The following FOXN3 variants were observed in gnomAD, a reference collection of about 807,000 sequenced individuals.
The protein encoded by FOXN3 is forkhead box N3.
A neutral mutation model predicts 38.4 loss-of-function variants in FOXN3; 7 were observed. That is an observed-to-expected ratio of 0.18 (90% CI 0.10 to 0.34). FOXN3 has a LOEUF of 0.34. FOXN3 is among the 10% of genes least tolerant of loss of function. The probability of loss-of-function intolerance (pLI) is 1.00; values close to 1 mark genes in which losing one functional copy is unlikely to be tolerated. For missense variants in FOXN3, 456 were observed against 613.4 expected (o/e 0.74, Z 2.71); for synonymous variants, 230 against 242.2 (o/e 0.95, Z 0.47).
At chr14:89,599,019 G>C (rs111341038) in intron 1 of FOXN3, among the ~76,000 whole-genome samples, 83 of 152,094 alleles carry the variant, frequency 5.5e-4, no homozygotes, top group African/African-American at 1.9e-3. Context: ...CTCTCCTGCT[G>C]AACCTCCAGT....
Position 89,446,831 on chromosome 14 carries a change from C to T in FOXN3, c.-14-34341G>A, listed in dbSNP as rs541697717. Among the ~76,000 whole-genome samples the T allele has an allele frequency of 2.0e-5, 3 of 152,314 alleles. No individual in the cohort carries two copies. In the East Asian group the frequency reaches 5.8e-4, roughly 29 times the overall value. On this transcript the variant is annotated intron_variant, in intron 1 of 6. Coordinates refer to the FOXN3 transcript ENST00000345097. ...GATATTTAAGTTATTTGCAGTTTTC[C>T]ACTATTATGAACAAGGCCAAATGAA... is the stretch of plus-strand genomic sequence containing the variant.
intron 1 of FOXN3, among the ~76,000 whole-genome samples, chr14:89,538,829 A>AT (rs1475577284): frequency 1.3e-5 from 2 of 151,026 alleles, no homozygotes; most frequent in African/African-American, 2.4e-5. Context: ...TTTTATTATT[A>AT]TTATTTATTT....
intron 1 of FOXN3, among the ~76,000 whole-genome samples, chr14:89,442,453 A>G (rs567151320): frequency 8.8e-4 from 134 of 152,352 alleles, no homozygotes; most frequent in Non-Finnish European, 1.7e-3. Context: ...TGAATGTCAC[A>G]TGCTGAGGTC....
intron 3 of FOXN3, among the ~76,000 whole-genome samples, chr14:89,297,339 G>T (rs1362483901): frequency 6.6e-6 from 1 of 151,880 alleles, no homozygotes; most frequent in African/African-American, 2.4e-5. Context: ...GAGGCGGGCG[G>T]ATCACAAGGT....
chr14:89,528,666 G>A (rs1172041064), intron 1 of FOXN3, among the ~76,000 whole-genome samples: 2 of 151,938 alleles, frequency 1.3e-5, no homozygotes, highest in Admixed American at 1.3e-4. Context: ...AACGTGCTGG[G>A]ATTACAGGTG....
intron 1 of FOXN3, among the ~76,000 whole-genome samples, chr14:89,518,939 C>T (rs186361900): frequency 4.5e-4 from 68 of 152,188 alleles, no homozygotes; most frequent in African/African-American, 1.5e-3. Flanking sequence ...CGCTTGAGCC[C>T]GGGAGGTGGA....
At chr14:89,172,268 G>A (rs1349609751) in intron 5 of FOXN3, among the ~76,000 whole-genome samples, 1 of 152,148 alleles carries the variant, frequency 6.6e-6, no homozygotes, top group Non-Finnish European at 1.5e-5. Context: ...AGGTTTTGTT[G>A]TTAAGAGTCA....
chr14:89,534,527 A>G (rs1353071862), intron 1 of FOXN3, among the ~76,000 whole-genome samples: 4 of 152,178 alleles, frequency 2.6e-5, no homozygotes, highest in Non-Finnish European at 5.9e-5. Flanking sequence ...CTCTGCTCCA[A>G]CGTCTGCCGG....
chr14:89,494,710 G>C (rs78711289), intron 1 of FOXN3, among the ~76,000 whole-genome samples: 1,564 of 152,324 alleles, frequency 0.01, 26 homozygotes, highest in African/African-American at 0.035. Context: ...GCTAAGAGTT[G>C]TTCTCCCTTC....
rs1491501328 is a variant in FOXN3, at chr14:89,567,720, GAT to G, written c.-15+51306_-15+51307del. ...TTTGTGCCACCAAACAAATCTCGTT[GAT>G]TTTTTTTTTTTTTTTTTTTAGACAG... On this transcript the variant is annotated intron_variant, in intron 1 of 6. Transcript: ENST00000345097. 2.8e-5 allele frequency among the ~76,000 whole-genome samples: 3 copies of G among 107,866 alleles called. No homozygotes were observed. The South Asian group carries it at 9.0e-4, about 32-fold the overall frequency. 70.8% of individuals were successfully genotyped at this position (107,866 alleles called of 152,430 possible). A position where few individuals can be genotyped will look rare whatever the true frequency, so the allele number is the denominator to read the frequency against.
At chr14:89,461,615 G>T (rs1892849850) in intron 1 of FOXN3, among the ~76,000 whole-genome samples, 2 of 152,168 alleles carry the variant, frequency 1.3e-5, no homozygotes, top group Admixed American at 6.5e-5. Context: ...ATAATAAAAA[G>T]CAAGTCCTTT....
chr14:89,469,474 A>C (rs1893047119), intron 1 of FOXN3, among the ~76,000 whole-genome samples: 1 of 152,236 alleles, frequency 6.6e-6, no homozygotes. Flanking sequence ...CCTGAGGTTC[A>C]AGGGTGTTTT....
intron 2 of FOXN3, among the ~76,000 whole-genome samples, chr14:89,370,815 C>T (rs989604308): frequency 6.6e-6 from 1 of 152,206 alleles, no homozygotes; most frequent in African/African-American, 2.4e-5. Flanking sequence ...GGTCCATCTA[C>T]CCCAGTGAGG....
chr14:89,262,083 A>G (rs1338595087), intron 4 of FOXN3, among the ~76,000 whole-genome samples: 1 of 152,122 alleles, frequency 6.6e-6, no homozygotes, highest in Non-Finnish European at 1.5e-5. Context: ...AGCCTGGGTG[A>G]CAGAGAGAGA....
chr14:89,197,994 T>C (rs909066445), intron 4 of FOXN3, among the ~76,000 whole-genome samples: 1 of 152,222 alleles, frequency 6.6e-6, no homozygotes, highest in Non-Finnish European at 1.5e-5. Flanking sequence ...GGGGCATTAA[T>C]TAACCCCCTA....
At chr14:89,454,390 G>A (rs976101493) in intron 1 of FOXN3, among the ~76,000 whole-genome samples, 1 of 152,198 alleles carries the variant, frequency 6.6e-6, no homozygotes, top group Non-Finnish European at 1.5e-5. Flanking sequence ...CAGCACTTTA[G>A]TATTGGACCT....
chr14:89,608,245 C>A (rs1369922652), intron 1 of FOXN3, among the ~76,000 whole-genome samples: 2 of 152,264 alleles, frequency 1.3e-5, no homozygotes, highest in East Asian at 3.8e-4. Flanking sequence ...ATCTGCCCAC[C>A]TCGGCCTCCC....
chr14:89,589,502 C>A (rs957563882), intron 1 of FOXN3, among the ~76,000 whole-genome samples: 2 of 152,264 alleles, frequency 1.3e-5, no homozygotes, highest in South Asian at 2.1e-4. Flanking sequence ...CCATGCCAGG[C>A]CTCAGAAACA....
chr14:89,249,909 A>C (rs186543468), intron 4 of FOXN3, among the ~76,000 whole-genome samples: 5 of 152,342 alleles, frequency 3.3e-5, no homozygotes, highest in Admixed American at 3.3e-4. Context: ...ATGAAATTCA[A>C]ATTTCAATGG....
Sources: allele counts gnomAD v4.1 joint callset (sites outside exome capture counted in the v4.1 genomes callset), GRCh38; gene constraint gnomAD v4.1.1; transcripts MANE v1.5; gene names NCBI Gene and HGNC (gene_info 2026-07-23, HGNC 2026-07-21).